The following SS18L1 variants were observed in gnomAD, a reference collection of about 807,000 sequenced individuals.
SS18L1 encodes the protein SS18L1 subunit of BAF chromatin remodeling complex.
In SS18L1, 32 loss-of-function variants were observed where a neutral mutation model predicts 70.3. That is an observed-to-expected ratio of 0.46 (90% CI 0.34 to 0.61). SS18L1 has a LOEUF of 0.61. Among genes scored for constraint, SS18L1 ranks in the 20% least tolerant of loss-of-function variants. The pLI is 0.01. For synonymous variants in SS18L1, 237 were observed against 229.7 expected (o/e 1.03, Z -0.29); for missense variants, 430 against 542.1 (o/e 0.79, Z 2.05).
intron 1 of SS18L1, among the ~76,000 whole-genome samples, chr20:62,148,243 G>T (rs957103937): frequency 2.0e-5 from 3 of 151,978 alleles, no homozygotes; most frequent in Admixed American, 6.6e-5. Context: ...TGCTGTCTTA[G>T]GTCAGGTGAG....
intron 8 of SS18L1, among the ~76,000 whole-genome samples, chr20:62,171,502 C>T (rs2057531191): frequency 6.6e-6 from 1 of 152,182 alleles, no homozygotes; most frequent in Non-Finnish European, 1.5e-5. Context: ...CCGAAGCTCT[C>T]GCCTTAGGAG....
intron 9 of SS18L1, among the ~76,000 whole-genome samples, chr20:62,173,075 C>G (rs761240450): frequency 6.6e-6 from 1 of 152,226 alleles, no homozygotes; most frequent in African/African-American, 2.4e-5. Flanking sequence ...CATCCATGCA[C>G]GTAGACCTGA....
chr20:62,167,573 C>T (rs1422629215), intron 8 of SS18L1, among the ~76,000 whole-genome samples: 2 of 152,020 alleles, frequency 1.3e-5, no homozygotes, highest in African/African-American at 4.8e-5. Context: ...ACAAAAGCCA[C>T]CCTGTGGCCA....
rs1336800028 is a variant in SS18L1 at position 62,181,249 on chromosome 20, G to T, written c.*2041G>T. On this transcript the variant is annotated 3_prime_UTR_variant, in exon 11 of 11. Coordinates refer to ENST00000331758, the MANE Select transcript of SS18L1 (RefSeq NM_198935.3). ...AAAATAAACGTATGTGTTCATATTC[G>T]ATCACCGAAATGAGAGTTCTTAATT... 3 of 205,368 alleles carry T rather than the reference G, an allele frequency of 1.5e-5. No individual in the cohort carries two copies. Among genetic ancestry groups the T allele is most frequent in the Non-Finnish European group, 3.0e-5 (3 of 100,298 alleles). The allele number at this position is 205,368 out of a possible 1,614,324, so 12.7% of individuals were successfully genotyped here.
intron 9 of SS18L1, among the ~76,000 whole-genome samples, chr20:62,173,829 G>A (rs1305012341): frequency 6.6e-6 from 1 of 151,846 alleles, no homozygotes; most frequent in East Asian, 1.9e-4. Context: ...CAGCCTGGAT[G>A]ACATAGTGAG....
In SS18L1 at chr20:62,165,638, C is replaced by T. The variant is rs147311794; in HGVS notation, c.916+124C>T. 6.1e-4 allele frequency: 547 copies of T among 891,416 alleles called. 7 individuals carry two copies. The East Asian group carries it at 0.013, about 22-fold the overall frequency. 55.2% of individuals were successfully genotyped at this position (891,416 alleles called of 1,614,324 possible). On this transcript the variant is annotated intron_variant, in intron 8 of 10. Coordinates refer to ENST00000331758, the MANE Select transcript of SS18L1 (RefSeq NM_198935.3). ...GAGTCCCTTAAATCACAGCACAGCG[C>T]GTGGGAGGAGAGACAGTGTGTTCTG...
At chr20:62,148,368 G>A (rs929150545) in intron 1 of SS18L1, among the ~76,000 whole-genome samples, 3 of 150,358 alleles carry the variant, frequency 2.0e-5, no homozygotes, top group Admixed American at 6.6e-5. Context: ...AGGGAGGCTC[G>A]GCCTCCTTGC....
intron 8 of SS18L1, among the ~76,000 whole-genome samples, chr20:62,169,684 T>C (rs6062105): frequency 0.17 from 25,352 of 151,324 alleles, 3,030 homozygotes; most frequent in African/African-American, 0.33. Context: ...GAGGCTGAGG[T>C]ATGAGAATCA....
In SS18L1 at chr20:62,159,552, C is replaced by T. The variant is rs1218611776; in HGVS notation, c.147-325C>T. 2.0e-5 allele frequency among the ~76,000 whole-genome samples: 3 copies of T among 152,218 alleles called. No individual in the cohort carries two copies. Among genetic ancestry groups the T allele is most frequent in the East Asian group, 1.9e-4 (1 of 5,186 alleles). On this transcript the variant is annotated intron_variant, in intron 2 of 10. Transcript: ENST00000331758. This position sits in a 1 kb window ranked among gnomAD's most constrained non-coding sequence, Gnocchi z 4.4. ...CCCTCTGTCACCTTCGGGCCCCTGC[C>T]TCCTCGTGGCCTCCCCCCATCTCTA...
At chr20:62,154,942 C>G (rs1198910928) in intron 1 of SS18L1, among the ~76,000 whole-genome samples, 2 of 152,160 alleles carry the variant, frequency 1.3e-5, no homozygotes, top group African/African-American at 2.4e-5. Context: ...ATATCCCGCC[C>G]CTCTGTTGAA....
At position 62,159,985 on chromosome 20, in the gene SS18L1, C is replaced by T; in HGVS notation, c.231+24C>T. On this transcript the variant is annotated intron_variant, in intron 3 of 10. Coordinates refer to ENST00000331758, the MANE Select transcript of SS18L1 (RefSeq NM_198935.3). This position sits in a 1 kb window ranked among gnomAD's most constrained non-coding sequence, Gnocchi z 4.4. ...CCGTGAGTACCCACGGGGGGTTGGC[C>T]TCCTTTACCCAGCAAGGACTCCGAC... The T allele has an allele frequency of 6.2e-7, 1 of 1,601,140 alleles. No homozygotes were observed. Among genetic ancestry groups the T allele is most frequent in the Non-Finnish European group, 8.5e-7 (1 of 1,174,480 alleles).
chr20:62,163,681 C>G (rs1158518450), intron 6 of SS18L1, 59 bp downstream of exon 6: 21 of 1,471,386 alleles, frequency 1.4e-5, no homozygotes, highest in Non-Finnish European at 4.5e-6. Flanking sequence ...CGTGAAGTGC[C>G]AGGCTGTGTG....
chr20:62,148,682 C>A (rs540940665), intron 1 of SS18L1, among the ~76,000 whole-genome samples: 1 of 152,370 alleles, frequency 6.6e-6, no homozygotes, highest in South Asian at 2.1e-4. Context: ...CCAAGCGCCA[C>A]GGGGGAGGTG....
rs1219119585 is a variant in SS18L1, at chr20:62,179,490, T to C, written c.*282T>C. 4 of 510,298 alleles carry C rather than the reference T, an allele frequency of 7.8e-6. No individual in the cohort carries two copies. The highest frequency in any genetic ancestry group is 3.8e-5 in the African/African-American group (2 of 52,336). The allele number at this position is 510,298 out of a possible 1,614,324, so 31.6% of individuals were successfully genotyped here. A position where few individuals can be genotyped will look rare whatever the true frequency, so the allele number is the denominator to read the frequency against. On this transcript the variant is annotated 3_prime_UTR_variant, in exon 11 of 11. Coordinates refer to ENST00000331758, the MANE Select transcript of SS18L1 (RefSeq NM_198935.3). ...TGTCCCCCGCCCCCTTCTCAATGTT[T>C]CTAGCTAGCTTTGGGGGTCATTTTG...
chr20:62,151,531 G>A (rs1036746557), intron 1 of SS18L1, among the ~76,000 whole-genome samples: 2 of 152,182 alleles, frequency 1.3e-5, no homozygotes, highest in African/African-American at 2.4e-5. Context: ...GGGTGACCAC[G>A]CAGAGAGGGA....
intron 1 of SS18L1, among the ~76,000 whole-genome samples, chr20:62,144,271 G>T (rs1207980056): frequency 6.6e-6 from 1 of 152,040 alleles, no homozygotes. Context: ...ACCCCTCGGG[G>T]CCGGAGCCGC....
intron 1 of SS18L1, among the ~76,000 whole-genome samples, chr20:62,149,033 C>T (rs1449420006): frequency 2.0e-5 from 3 of 152,228 alleles, no homozygotes; most frequent in East Asian, 1.9e-4. Flanking sequence ...CTCGAGGCTC[C>T]GGCCCTTTGC....
intron 1 of SS18L1, among the ~76,000 whole-genome samples, chr20:62,150,848 T>TC (rs11484245): frequency 0.047 from 7,069 of 151,828 alleles, 478 homozygotes; most frequent in African/African-American, 0.15. Flanking sequence ...CGAAACGTTA[T>TC]CAGGTGTGTG....
At chr20:62,151,216 C>T (rs2057123489) in intron 1 of SS18L1, among the ~76,000 whole-genome samples, 1 of 152,170 alleles carries the variant, frequency 6.6e-6, no homozygotes, top group East Asian at 1.9e-4. Flanking sequence ...GTTCTCCGTC[C>T]CTGGTTCTCA....
Sources: gnomAD v4.1 joint callset for allele counts (sites outside exome capture counted in the v4.1 genomes callset) on GRCh38, gnomAD v4.1.1 for gene constraint, Gnocchi (gnomAD v3.1) non-coding constraint, MANE v1.5 for transcripts, NCBI Gene and HGNC (gene_info 2026-07-23, HGNC 2026-07-21) for gene names.